SPAG16: variants seen among roughly 807,000 people sequenced by gnomAD.
SPAG16 encodes the protein sperm associated antigen 16.
A neutral mutation model predicts 80.4 loss-of-function variants in SPAG16; 86 were observed. That is an observed-to-expected ratio of 1.07 (90% CI 0.90 to 1.28). The LOEUF (loss-of-function observed/expected upper bound fraction) is 1.28, where lower values mean the gene tolerates loss of function less well. Ranked by LOEUF, SPAG16 falls within the 50% of genes most tolerant of loss-of-function variation. SPAG16 has a pLI of 0.00. For synonymous variants in SPAG16, 294 were observed against 265.9 expected, an observed-to-expected ratio of 1.11 and a Z score of -1.03; for missense variants, 870 against 765.3, an observed-to-expected ratio of 1.14 and a Z score of -1.61.
chr2:213,686,013 T>A (rs1356382637), intron 10 of SPAG16, among the ~76,000 whole-genome samples: 1 of 152,174 alleles, frequency 6.6e-6, no homozygotes, highest in Admixed American at 6.5e-5. Context: ...GACATATAAT[T>A]ATAAAGGTAT....
chr2:213,652,485 TTG>T (rs924061611), intron 10 of SPAG16, among the ~76,000 whole-genome samples: 1 of 152,112 alleles, frequency 6.6e-6, no homozygotes, highest in Non-Finnish European at 1.5e-5. Flanking sequence ...TCCAGAATTA[TTG>T]TGTCTTTTTT....
intron 10 of SPAG16, among the ~76,000 whole-genome samples, chr2:213,803,743 A>G (rs1180161533): frequency 6.6e-6 from 1 of 152,136 alleles, no homozygotes; most frequent in African/African-American, 2.4e-5. Context: ...TGTATTATGT[A>G]TGTATATATT....
intron 10 of SPAG16, among the ~76,000 whole-genome samples, chr2:213,778,794 C>A (rs2069761893): frequency 6.6e-6 from 1 of 152,180 alleles, no homozygotes; most frequent in Non-Finnish European, 1.5e-5. Flanking sequence ...AAGCAAACTT[C>A]TCTTATGCAA....
intron 10 of SPAG16, among the ~76,000 whole-genome samples, chr2:213,807,161 T>C (rs2071818713): frequency 1.3e-5 from 2 of 152,192 alleles, no homozygotes; most frequent in Admixed American, 1.3e-4. Context: ...ACTCTCAGTA[T>C]TATGTGACAA....
At chr2:213,673,304 G>C (rs1282859456) in intron 10 of SPAG16, among the ~76,000 whole-genome samples, 1 of 152,052 alleles carries the variant, frequency 6.6e-6, no homozygotes, top group East Asian at 1.9e-4. Context: ...TTTATAAAAA[G>C]TCACTTTTTT....
Position 214,239,697 on chromosome 2 carries a change from A to G in SPAG16, c.1720+90431A>G, listed in dbSNP as rs1441196944. The G allele has an allele frequency of 3.3e-5, 5 of 152,138 alleles. No individual in the cohort carries two copies. In the East Asian group the frequency reaches 7.7e-4, roughly 23 times the overall value. 9.4% of individuals were successfully genotyped at this position (152,138 alleles called of 1,614,324 possible). A position where few individuals can be genotyped will look rare whatever the true frequency, so the allele number is the denominator to read the frequency against. On this transcript the variant is annotated intron_variant, in intron 15 of 15. Coordinates refer to ENST00000331683, the MANE Select transcript of SPAG16 (RefSeq NM_024532.5). ...GCAGTCCTTTTGACAAGGATGGAGC[A>G]CTGTCAGAGCTGCACTGGAGCTGGA... is the stretch of plus-strand genomic sequence containing the variant.
intron 11 of SPAG16, among the ~76,000 whole-genome samples, chr2:213,910,193 C>T (rs2077604328): frequency 6.6e-6 from 1 of 152,086 alleles, no homozygotes; most frequent in Non-Finnish European, 1.5e-5. Flanking sequence ...TCAAATAGTT[C>T]TATTGAATAG....
At chr2:213,393,390 TTAAAA>T (rs2067869580) in intron 9 of SPAG16, among the ~76,000 whole-genome samples, 1 of 151,428 alleles carries the variant, frequency 6.6e-6, no homozygotes, top group African/African-American at 2.4e-5. Context: ...AATATATAAA[TTAAAA>T]TATATTTTTA....
At chr2:213,670,580 G>A (rs1224930718) in intron 10 of SPAG16, among the ~76,000 whole-genome samples, 1 of 151,466 alleles carries the variant, frequency 6.6e-6, no homozygotes, top group African/African-American at 2.4e-5. Flanking sequence ...TTCTCCTTGA[G>A]TTTAAATATT....
chr2:213,295,377 TTA>T (rs944433192), intron 1 of SPAG16, among the ~76,000 whole-genome samples: 3 of 152,110 alleles, frequency 2.0e-5, no homozygotes, highest in African/African-American at 7.2e-5. Context: ...TAGAATTATT[TTA>T]TGTTAGAATC....
intron 14 of SPAG16, among the ~76,000 whole-genome samples, chr2:214,128,320 G>C (rs1235354729): frequency 6.6e-6 from 1 of 151,744 alleles, no homozygotes; most frequent in African/African-American, 2.4e-5. Flanking sequence ...CTTTAAGATT[G>C]GTTGGGAGAG....
intron 15 of SPAG16, among the ~76,000 whole-genome samples, chr2:214,263,166 T>C (rs1245588234): frequency 1.3e-5 from 2 of 152,126 alleles, no homozygotes; most frequent in African/African-American, 4.8e-5. Context: ...TCCAGGACTT[T>C]TTCATCTTAT....
In SPAG16 at chr2:214,257,679, G is replaced by A. The variant is rs114761228; in HGVS notation, c.1720+108413G>A. Among the ~76,000 whole-genome samples, 319 of 152,128 alleles carry A rather than the reference G, an allele frequency of 2.1e-3. 4 individuals carry two copies. Among genetic ancestry groups the A allele is most frequent in the African/African-American group, 7.3e-3 (303 of 41,560 alleles). On this transcript the variant is annotated intron_variant, in intron 15 of 15. Coordinates refer to ENST00000331683, the MANE Select transcript of SPAG16 (RefSeq NM_024532.5). Reference sequence around the variant, plus strand: ...CAATCTTGAGCTTTTGTAAAACAGCGAAGATAAACAACATTATCATGATGC... The same window carrying A: ...CAATCTTGAGCTTTTGTAAAACAGCAAAGATAAACAACATTATCATGATGC...
In SPAG16 at chr2:213,859,218, T is replaced by TAAAAAAA. The variant is rs1575378884; in HGVS notation, c.1071-3267_1071-3266insAAAAAAA. Among the ~76,000 whole-genome samples, 8 of 16,904 alleles carry TAAAAAAA rather than the reference T, an allele frequency of 4.7e-4. 4 individuals are homozygous for TAAAAAAA. The highest frequency in any genetic ancestry group is 4.8e-3 in the East Asian group (2 of 420). 11.1% of individuals were successfully genotyped at this position (16,904 alleles called of 152,430 possible). ...AAAAAAAAAAAAAAAAAAAAAAAAC[T>TAAAAAAA]CAATGTCCTCTGACAACTTGATGTA... On this transcript the variant is annotated intron_variant, in intron 10 of 15. Transcript: ENST00000331683.
At chr2:213,750,144 A>T (rs1032486636) in intron 10 of SPAG16, among the ~76,000 whole-genome samples, 1 of 152,196 alleles carries the variant, frequency 6.6e-6, no homozygotes, top group Non-Finnish European at 1.5e-5. Context: ...CAGGACAAGT[A>T]CTCCAAGAAA....
At chr2:214,302,081 T>C (rs899848139) in intron 15 of SPAG16, among the ~76,000 whole-genome samples, 2 of 152,218 alleles carry the variant, frequency 1.3e-5, no homozygotes, top group African/African-American at 2.4e-5. Flanking sequence ...CATGTACTTA[T>C]ACAGTTTTGA....
intron 10 of SPAG16, among the ~76,000 whole-genome samples, chr2:213,658,025 A>C (rs959271166): frequency 6.6e-6 from 1 of 152,102 alleles, no homozygotes; most frequent in African/African-American, 2.4e-5. Flanking sequence ...GGGAAGCTTA[A>C]ATTTTTGATT....
chr2:213,289,543 G>C (rs1186098723), intron 1 of SPAG16, among the ~76,000 whole-genome samples: 1 of 152,170 alleles, frequency 6.6e-6, no homozygotes, highest in Non-Finnish European at 1.5e-5. Flanking sequence ...AAGGGAATGT[G>C]ACCACAAGCA....
chr2:213,743,525 C>A (rs1412706011), intron 10 of SPAG16, among the ~76,000 whole-genome samples: 1 of 152,054 alleles, frequency 6.6e-6, no homozygotes, highest in Non-Finnish European at 1.5e-5. Context: ...TTTCAGCATA[C>A]AGGAATGCTT....
Sources: gnomAD v4.1 joint callset for allele counts (sites outside exome capture counted in the v4.1 genomes callset) on GRCh38, gnomAD v4.1.1 for gene constraint, MANE v1.5 for transcripts, NCBI Gene and HGNC (gene_info 2026-07-23, HGNC 2026-07-21) for gene names.